ITGA1: variants seen among roughly 807,000 people sequenced by gnomAD.
The protein encoded by ITGA1 is integrin alpha-1.
A neutral mutation model predicts 145.9 loss-of-function variants in ITGA1; 85 were observed. The observed-to-expected ratio is 0.58, with a 90% CI of 0.49 to 0.70. The LOEUF (loss-of-function observed/expected upper bound fraction) is 0.70, where lower values mean the gene tolerates loss of function less well. Ranked by LOEUF, ITGA1 falls within the 30% of genes least tolerant of loss-of-function variation. The probability of loss-of-function intolerance (pLI) is 0.00; values close to 1 mark genes in which losing one functional copy is unlikely to be tolerated. For synonymous variants in ITGA1, 520 were observed against 495.3 expected (o/e 1.05, Z -0.66); for missense variants, 1,351 against 1,418.7 (o/e 0.95, Z 0.77).
intron 1 of ITGA1, among the ~76,000 whole-genome samples, chr5:52,797,378 G>GT (rs1748365324): frequency 6.6e-6 from 1 of 151,354 alleles, no homozygotes; most frequent in African/African-American, 2.4e-5. Flanking sequence ...GGTTTCTAAT[G>GT]TACAGATAAA....
chr5:52,924,312 C>A (rs946762532), intron 18 of ITGA1, among the ~76,000 whole-genome samples: 6 of 152,168 alleles, frequency 3.9e-5, no homozygotes, highest in African/African-American at 1.2e-4. Flanking sequence ...GAAGTCAGGA[C>A]AGCCCTCCTG....
chr5:52,842,072 G>A (rs1749262582), intron 1 of ITGA1, among the ~76,000 whole-genome samples: 1 of 152,156 alleles, frequency 6.6e-6, no homozygotes, highest in African/African-American at 2.4e-5. Flanking sequence ...TCACTGCAGG[G>A]TCACCCTGTC....
chr5:52,881,920 C>A lies in ITGA1; in HGVS notation c.672C>A (p.Leu224=), dbSNP rs1739366967. The A allele has an allele frequency of 6.2e-7, 1 of 1,613,744 alleles. No homozygotes were observed. Among genetic ancestry groups the A allele is most frequent in the Admixed American group, 1.7e-5 (1 of 59,974 alleles). ...AAAACGTGACCCATGAGTTCAACCT[C>A]AATAAGTATTCTTCCACCGAAGAGG... ...YGENVTHEFN[L]NKYSSTEEVL... is the part of the protein sequence containing the mutation. The change falls in exon 7 of 29, where the codon CTC becomes CTA. Residue 224 remains leucine, a synonymous_variant. Transcript: ENST00000282588.
At chr5:52,868,754 C>A (rs1030490604) in intron 6 of ITGA1, among the ~76,000 whole-genome samples, 3 of 152,190 alleles carry the variant, frequency 2.0e-5, no homozygotes, top group African/African-American at 7.2e-5. Flanking sequence ...ATGAAGCACC[C>A]TGCACAGTGT....
In ITGA1 at chr5:52,954,860, A is replaced by T. The variant is rs755043097; in HGVS notation, c.*2409A>T. 3 of 152,228 alleles carry T rather than the reference A, an allele frequency of 2.0e-5. No individual in the cohort carries two copies. Among genetic ancestry groups the T allele is most frequent in the Non-Finnish European group, 4.4e-5 (3 of 68,032 alleles). 9.4% of individuals were successfully genotyped at this position (152,228 alleles called of 1,614,324 possible). A position where few individuals can be genotyped will look rare whatever the true frequency, so the allele number is the denominator to read the frequency against. ...CAAGTACAGAGCGTTTGATTAAAAA[A>T]AGTCAACAAATGTTTCAAAACAGCT... On this transcript the variant is annotated 3_prime_UTR_variant, in exon 29 of 29. Coordinates refer to ENST00000282588, the MANE Select transcript of ITGA1 (RefSeq NM_181501.2).
intron 2 of ITGA1, among the ~76,000 whole-genome samples, chr5:52,857,921 A>G (rs1749541692): frequency 6.6e-6 from 1 of 152,036 alleles, no homozygotes; most frequent in Admixed American, 6.6e-5. Flanking sequence ...CCCCATCTCT[A>G]TACTTATGCA....
At chr5:52,884,001 C>A (rs889652259) in intron 7 of ITGA1, among the ~76,000 whole-genome samples, 30 of 152,058 alleles carry the variant, frequency 2.0e-4, no homozygotes, top group African/African-American at 7.0e-4. Context: ...TCTTTTGTAA[C>A]CCTGATATTT....
At chr5:52,919,429 TC>T (rs1266213256) in intron 16 of ITGA1, among the ~76,000 whole-genome samples, 1 of 152,148 alleles carries the variant, frequency 6.6e-6, no homozygotes, top group Non-Finnish European at 1.5e-5. Context: ...GTGCATCAGG[TC>T]AGCCTGTGCT....
Position 52,788,246 on chromosome 5 carries a change from TG to T in ITGA1, c.-105del. ...CGCCGCTGCCACTGGGGCAGAGGAC[TG>T]GGAACCGCGGCAGCGGGATAAGTGG... On this transcript the variant is annotated 5_prime_UTR_variant, in exon 1 of 29. Transcript: ENST00000282588. 1.1e-5 allele frequency: 9 copies of T among 850,182 alleles called. No homozygotes were observed. The highest frequency in any genetic ancestry group is 1.5e-5 in the Non-Finnish European group (9 of 595,960). The allele number at this position is 850,182 out of a possible 1,614,324, so 52.7% of individuals were successfully genotyped here.
intron 1 of ITGA1, among the ~76,000 whole-genome samples, chr5:52,832,014 C>A (rs1218696261): frequency 6.6e-6 from 1 of 152,140 alleles, no homozygotes. Context: ...ATTCTTCCCC[C>A]AGCCACGGTG....
rs781617151 is a variant in ITGA1 at position 52,918,758 on chromosome 5, T to A, written c.2015T>A (p.Val672Glu). Residue 672 changes from valine (V) to glutamate (E), a missense_variant, in exon 16 of 29, where the codon GTG (valine) becomes GAG (glutamate). Coordinates refer to ENST00000282588, the MANE Select transcript of ITGA1 (RefSeq NM_181501.2). ...TCCCGAGATGTGGCCGTAGTTAAAG[T>A]GACCATGAATTTTGAGCCAAATAAA... ...FWSRDVAVVKVTMNFEPNKVN... is the reference protein window; with the variant it reads ...FWSRDVAVVKETMNFEPNKVN... 1.2e-5 allele frequency: 20 copies of A among 1,611,300 alleles called. No individual in the cohort carries two copies. The Admixed American group carries it at 3.4e-4, about 27-fold the overall frequency.
At chr5:52,816,535 G>A (rs1050252529) in intron 1 of ITGA1, among the ~76,000 whole-genome samples, 2 of 152,080 alleles carry the variant, frequency 1.3e-5, no homozygotes, top group Admixed American at 1.3e-4. Flanking sequence ...GGGAGGCTGG[G>A]GGCTACTGAA....
At chr5:52,871,521 A>G (rs1186789721) in intron 6 of ITGA1, among the ~76,000 whole-genome samples, 1 of 152,150 alleles carries the variant, frequency 6.6e-6, no homozygotes, top group Non-Finnish European at 1.5e-5. Flanking sequence ...CTCTGCAGTC[A>G]TAGATTTGTC....
intron 1 of ITGA1, among the ~76,000 whole-genome samples, chr5:52,841,742 G>T (rs1037724497): frequency 1.3e-5 from 2 of 152,072 alleles, no homozygotes; most frequent in African/African-American, 4.8e-5. Context: ...CCTCAAAATG[G>T]AATATATTTC....
intron 1 of ITGA1, among the ~76,000 whole-genome samples, chr5:52,812,789 CTTTTTTTTTTT>C (rs61600951): frequency 0.36 from 31,334 of 87,660 alleles, 3,543 homozygotes; most frequent in Non-Finnish European, 0.38. Flanking sequence ...CTTCTTATCG[CTTTTTTTTTTT>C]TTTTTTTTTT....
chr5:52,911,704 T>A (rs1341933938), intron 14 of ITGA1, among the ~76,000 whole-genome samples: 2 of 136,918 alleles, frequency 1.5e-5, no homozygotes, highest in Admixed American at 1.6e-4. Context: ...ATATAGTGTA[T>A]CTACTATATA....
chr5:52,828,058 C>T (rs1036472507), intron 1 of ITGA1, among the ~76,000 whole-genome samples: 3 of 152,148 alleles, frequency 2.0e-5, no homozygotes, highest in African/African-American at 4.8e-5. Context: ...AGTTGATGGA[C>T]ATTTGAGTCA....
chr5:52,911,379 T>G (rs956676059), intron 14 of ITGA1, among the ~76,000 whole-genome samples: 1 of 134,222 alleles, frequency 7.5e-6, no homozygotes, highest in Non-Finnish European at 1.5e-5. Context: ...AGTGAGTATA[T>G]AGTATATATA....
chr5:52,802,231 TTTACA>T (rs1748504213), intron 1 of ITGA1: 1 of 158,692 alleles, frequency 6.3e-6, no homozygotes, highest in Non-Finnish European at 1.4e-5. Flanking sequence ...TCTTATCCTG[TTTACA>T]TTATTTCTTT....
Sources: gnomAD v4.1 joint callset for allele counts (sites outside exome capture counted in the v4.1 genomes callset) on GRCh38, gnomAD v4.1.1 for gene constraint, MANE v1.5 for transcripts, NCBI Gene and HGNC (gene_info 2026-07-23, HGNC 2026-07-21) for gene names.